The following DIMT1 variants were observed in gnomAD, a reference collection of about 807,000 sequenced individuals.
The protein encoded by DIMT1 is DIM1 rRNA methyltransferase and ribosome maturation factor.
Under a neutral mutation model 43.2 loss-of-function variants are expected in DIMT1, and 36 were observed. That is an observed-to-expected ratio of 0.83 (90% CI 0.64 to 1.10). The LOEUF is 1.10. Ranked by LOEUF, DIMT1 falls within the 50% of genes least tolerant of loss-of-function variation. The pLI, the probability that DIMT1 is intolerant of heterozygous loss-of-function variation, is 0.00. For missense variants in DIMT1, 341 were observed against 385.3 expected (o/e 0.88, Z 0.96); for synonymous variants, 126 against 130.3 (o/e 0.97, Z 0.22).
chr5:62,394,574 G>A lies in DIMT1; in HGVS notation c.480C>T (p.Ala160=), dbSNP rs770926646. 5.0e-6 allele frequency: 8 copies of A among 1,613,986 alleles called. No homozygotes were observed. Among genetic ancestry groups the A allele is most frequent in the Non-Finnish European group, 6.8e-6 (8 of 1,180,014 alleles). Residue 160 remains alanine, a synonymous_variant, in exon 7 of 12, where the codon GCC becomes GCT. Transcript: ENST00000199320. ...CAILMFQREF[A]LRLVAKPGDK... ...CTCCAGGTTTTGCAACCAGTCGGAG[G>A]GCAAATTCTCTTTGAAACATAAGTA...
At chr5:62,397,679 C>T (rs1580126839) in intron 6 of DIMT1, among the ~76,000 whole-genome samples, 1 of 151,446 alleles carries the variant, frequency 6.6e-6, no homozygotes, top group South Asian at 2.1e-4. Context: ...GACGGAGTCT[C>T]GCTCAGTCGC....
chr5:62,393,585 C>T (rs1052655269), intron 8 of DIMT1, among the ~76,000 whole-genome samples: 2 of 152,144 alleles, frequency 1.3e-5, no homozygotes, highest in Non-Finnish European at 2.9e-5. Flanking sequence ...CACACAATCA[C>T]GTTTTTCTCT....
chr5:62,391,790 T>C (rs918827214), intron 10 of DIMT1: 1 of 1,402,528 alleles, frequency 7.1e-7, no homozygotes, highest in African/African-American at 1.4e-5. Context: ...GTAACTGCTA[T>C]GTGAGCAAGA....
chr5:62,401,676 G>A (rs1366748554), intron 3 of DIMT1, among the ~76,000 whole-genome samples: 4 of 139,362 alleles, frequency 2.9e-5, no homozygotes, highest in Non-Finnish European at 3.0e-5. Context: ...TCTGCCTTCC[G>A]GGTTCAAGTG....
In DIMT1 at chr5:62,398,669, A is replaced by G; in HGVS notation, c.373T>C (p.Cys125Arg). The part of the protein sequence containing the change: ...LKTDLPFFDT[C>R]VANLPYQISS... ...ACCTGATAAGGCAAATTTGCCACAC[A>G]AGTATCAAAGAATGGCAAATCTGTT... The change falls in exon 5 of 12, where the codon TGT (cysteine) becomes CGT (arginine). Residue 125 changes from cysteine (C) to arginine (R), a missense_variant. Transcript: ENST00000199320. 6.2e-7 allele frequency: 1 copy of G among 1,614,238 alleles called. No individual in the cohort carries two copies. The highest frequency in any genetic ancestry group is 8.5e-7 in the Non-Finnish European group (1 of 1,180,038).
intron 11 of DIMT1, 146 bp from the exon 12 acceptor site, chr5:62,389,198 G>C (rs747492201): frequency 1.4e-6 from 1 of 691,516 alleles, no homozygotes; most frequent in Non-Finnish European, 2.3e-6. Context: ...TTAAAGAAAC[G>C]TTACTGGCTG....
intron 6 of DIMT1, among the ~76,000 whole-genome samples, chr5:62,397,131 G>A (rs946275098): frequency 7.2e-5 from 11 of 151,920 alleles, no homozygotes; most frequent in African/African-American, 2.7e-4. Context: ...TTTATTTTTA[G>A]TAGAGATGGG....
intron 7 of DIMT1, among the ~76,000 whole-genome samples, 191 bp downstream of exon 7, chr5:62,394,293 C>G (rs1360652482): frequency 6.6e-6 from 1 of 152,186 alleles, no homozygotes; most frequent in African/African-American, 2.4e-5. Flanking sequence ...TAGCAAAACT[C>G]TGTGTCTACA....
At chr5:62,399,301 T>C (rs552545027) in intron 3 of DIMT1, among the ~76,000 whole-genome samples, 1 of 152,272 alleles carries the variant, frequency 6.6e-6, no homozygotes, top group South Asian at 2.1e-4. Context: ...ACCCCGTCTC[T>C]ACTAAAAATA....
chr5:62,403,413 G>C, intron 1 of DIMT1, 67 bp from the exon 2 acceptor site: 1 of 1,471,524 alleles, frequency 6.8e-7, no homozygotes, highest in Non-Finnish European at 9.5e-7. Flanking sequence ...TACCAGAGAA[G>C]AAAGCTGCAT....
intron 8 of DIMT1, 86 bp from the exon 9 acceptor site, chr5:62,393,076 T>C: frequency 3.7e-6 from 3 of 819,768 alleles, no homozygotes; most frequent in Non-Finnish European, 5.8e-6. Flanking sequence ...TCTTTTAATA[T>C]ATACAATTGA....
rs1344717019 is a variant in DIMT1, at chr5:62,403,856, G to C, written c.-84C>G. On this transcript the variant is annotated 5_prime_UTR_variant, in exon 1 of 12. Transcript: ENST00000199320. ...GTGAGAAAGCCACCACGTGGGGATCGCCGCCACGCGCCGCCCGCACCACTC... is the reference window on the plus strand; with the variant it reads ...GTGAGAAAGCCACCACGTGGGGATCCCCGCCACGCGCCGCCCGCACCACTC... 1 of 1,369,488 alleles carries C rather than the reference G, an allele frequency of 7.3e-7. No individual in the cohort carries two copies. The highest frequency in any genetic ancestry group is 1.0e-6 in the Non-Finnish European group (1 of 997,366). 84.8% of individuals were successfully genotyped at this position (1,369,488 alleles called of 1,614,324 possible). A position where few individuals can be genotyped will look rare whatever the true frequency, so the allele number is the denominator to read the frequency against.
chr5:62,394,642 TC>T (rs1561290428), intron 6 of DIMT1, 35 bp from the exon 7 acceptor site: 1 of 1,610,204 alleles, frequency 6.2e-7, no homozygotes, highest in South Asian at 1.1e-5. Context: ...AGGAAAATGG[TC>T]ATTGTCAACT....
chr5:62,391,946 G>A (rs566036489), intron 10 of DIMT1: 20 of 1,536,406 alleles, frequency 1.3e-5, no homozygotes, highest in Non-Finnish European at 8.7e-7. Context: ...GTAGTTAGAG[G>A]ACAGGGTGGA....
intron 3 of DIMT1, among the ~76,000 whole-genome samples, chr5:62,400,502 C>A (rs888965886): frequency 3.3e-5 from 5 of 152,080 alleles, no homozygotes; most frequent in African/African-American, 1.2e-4. Context: ...ATCCTCCCAC[C>A]TTGGCCTCCC....
rs939389845 is a variant in DIMT1, at chr5:62,402,473, C to T, written c.154-351G>A. On this transcript the variant is annotated intron_variant, in intron 2 of 11. Coordinates refer to ENST00000199320, the MANE Select transcript of DIMT1 (RefSeq NM_014473.4). ...CAAGTTCAAATGGGAAAGGACTGTA[C>T]GTGTTGGGCGAAGATTTTTCAATTT... is the stretch of plus-strand genomic sequence containing the variant. Among the ~76,000 whole-genome samples, 7 of 152,130 alleles carry T rather than the reference C, an allele frequency of 4.6e-5. No individual in the cohort carries two copies. In the South Asian group the frequency reaches 1.5e-3, roughly 32 times the overall value.
At chr5:62,392,260 T>G (rs1489628221) in intron 9 of DIMT1, 26 bp from the exon 10 acceptor site, 1 of 1,596,792 alleles carries the variant, frequency 6.3e-7, no homozygotes, top group African/African-American at 1.3e-5. Flanking sequence ...GTGATGCCAC[T>G]GTTATTATTC....
In DIMT1 at chr5:62,389,022, A is replaced by T. The variant is rs756934070; in HGVS notation, c.930T>A (p.Ile310=). 13 of 1,609,898 alleles carry T rather than the reference A, an allele frequency of 8.1e-6. No individual in the cohort carries two copies. In the South Asian group the frequency reaches 1.1e-4, roughly 14 times the overall value. Residue 310 remains isoleucine (I), a synonymous_variant, in exon 12 of 12, where the codon ATT becomes ATA. Transcript: ENST00000199320. ...GTTTTCCAAATACCTAGGAAAAATGAATACCTTCTGCGTTGAATCCATGTA... is the reference window on the plus strand; with the variant it reads ...GTTTTCCAAATACCTAGGAAAAATGTATACCTTCTGCGTTGAATCCATGTA... ...RLLHGFNAEG[I]HFS is the part of the protein sequence containing the mutation.
At chr5:62,392,315 AATAC>A (rs948333688) in intron 9 of DIMT1, 81 bp from the exon 10 acceptor site, 36 of 1,076,330 alleles carry the variant, frequency 3.3e-5, no homozygotes, top group Middle Eastern at 2.1e-4. Flanking sequence ...TTTTTTAACT[AATAC>A]ATAAGCCATT....
Sources: allele counts gnomAD v4.1 joint callset (sites outside exome capture counted in the v4.1 genomes callset), GRCh38; gene constraint gnomAD v4.1.1; transcripts MANE v1.5; gene names NCBI Gene and HGNC (gene_info 2026-07-23, HGNC 2026-07-21).